Variants in ADAM17 observed in about 807,000 individuals in gnomAD.
ADAM17 encodes the protein ADAM metallopeptidase domain 17.
A neutral mutation model predicts 96.7 loss-of-function variants in ADAM17; 39 were observed. The observed-to-expected ratio is 0.40, with a 90% CI of 0.31 to 0.53. The LOEUF (loss-of-function observed/expected upper bound fraction) is 0.53. Among genes scored for constraint, ADAM17 ranks in the 20% least tolerant of loss-of-function variants. ADAM17 has a pLI of 0.44. For missense variants in ADAM17, 777 were observed against 1,013.2 expected, an observed-to-expected ratio of 0.77 and a Z score of 3.17; for synonymous variants, 344 against 359.2, an observed-to-expected ratio of 0.96 and a Z score of 0.48.
At chr2:9,513,972 T>C (rs1226918435) in intron 10 of ADAM17, among the ~76,000 whole-genome samples, 5 of 148,464 alleles carry the variant, frequency 3.4e-5, no homozygotes, top group Non-Finnish European at 3.0e-5. Flanking sequence ...GATCACACCA[T>C]TGCACTCCAG....
At chr2:9,490,639 A>G in intron 18 of ADAM17, 121 bp from the exon 19 acceptor site, 1 of 1,087,984 alleles carries the variant, frequency 9.2e-7, no homozygotes, top group Non-Finnish European at 1.3e-6. Flanking sequence ...CTAAGAAAAA[A>G]GTGCTAGGTG....
At chr2:9,529,109 C>G (rs1664637906) in intron 4 of ADAM17, among the ~76,000 whole-genome samples, 1 of 152,196 alleles carries the variant, frequency 6.6e-6, no homozygotes, top group Non-Finnish European at 1.5e-5. Context: ...GATACAGATA[C>G]ATGCTACAAC....
intron 12 of ADAM17, 119 bp from the exon 13 acceptor site, chr2:9,502,395 C>CA (rs1473265005): frequency 1.3e-6 from 1 of 779,940 alleles, no homozygotes; most frequent in Non-Finnish European, 2.1e-6. Flanking sequence ...CTGGCTCCGT[C>CA]ACCCACTCCT....
chr2:9,513,879 C>T (rs1165555939), intron 10 of ADAM17, among the ~76,000 whole-genome samples: 6 of 151,752 alleles, frequency 4.0e-5, no homozygotes, highest in African/African-American at 9.7e-5. Flanking sequence ...GTCGTGATGG[C>T]GCATGCCTGT....
rs1330430989 is a variant in ADAM17, at chr2:9,555,730, C to G, written c.-125G>C. The stretch of plus-strand genomic sequence containing the variant: ...CTAGCCCCTCAATCCTCTTTTCCCT[C>G]CCGCGCCGCCTACTGGGAAGATTCT... On this transcript the variant is annotated 5_prime_UTR_variant, in exon 1 of 19. Coordinates refer to ENST00000310823, the MANE Select transcript of ADAM17 (RefSeq NM_003183.6). 5.4e-6 allele frequency: 4 copies of G among 739,348 alleles called. No individual in the cohort carries two copies. Among genetic ancestry groups the G allele is most frequent in the Non-Finnish European group, 8.1e-6 (4 of 496,200 alleles). The allele number at this position is 739,348 out of a possible 1,614,324, so 45.8% of individuals were successfully genotyped here.
intron 6 of ADAM17, among the ~76,000 whole-genome samples, chr2:9,524,053 T>A (rs12992796): frequency 0.14 from 21,041 of 151,526 alleles, 1,553 homozygotes; most frequent in Non-Finnish European, 0.16. Context: ...TTTTTTTTTT[T>A]ATGATTTTCA....
Position 9,530,771 on chromosome 2 carries a change from A to T in ADAM17, c.451-2817T>A, listed in dbSNP as rs10201083. 5.3e-3 allele frequency among the ~76,000 whole-genome samples: 810 copies of T among 152,296 alleles called. 5 individuals are homozygous for T. The highest frequency in any genetic ancestry group is 0.019 in the African/African-American group (780 of 41,556). On this transcript the variant is annotated intron_variant, in intron 4 of 18. Transcript: ENST00000310823. The stretch of plus-strand genomic sequence containing the variant: ...AGAGTGCCTTTATTCCTAAGGATGC[A>T]TACAGAAGTATTTAGGGGTGAAGGG...
Position 9,555,695 on chromosome 2 carries a change from TC to T in ADAM17, c.-91del. On this transcript the variant is annotated 5_prime_UTR_variant, in exon 1 of 19. Transcript: ENST00000310823. ...CTGCTCACATCGGGGGAGGACGGGA[TC>T]CGCCCGGCCTAGCCCCTCAATCCTC... 8.8e-7 allele frequency: 1 copy of T among 1,140,726 alleles called. No individual in the cohort carries two copies. The highest frequency in any genetic ancestry group is 1.2e-6 in the Non-Finnish European group (1 of 822,508). 70.7% of individuals were successfully genotyped at this position (1,140,726 alleles called of 1,614,324 possible). A position where few individuals can be genotyped will look rare whatever the true frequency, so the allele number is the denominator to read the frequency against.
intron 14 of ADAM17, among the ~76,000 whole-genome samples, chr2:9,495,828 A>G (rs1572884175): frequency 6.6e-6 from 1 of 151,534 alleles, no homozygotes; most frequent in African/African-American, 2.4e-5. Context: ...CATTCAACAC[A>G]ACAGATTTAT....
At chr2:9,516,341 G>A (rs1013190907) in intron 10 of ADAM17, among the ~76,000 whole-genome samples, 16 of 151,894 alleles carry the variant, frequency 1.1e-4, no homozygotes, top group Admixed American at 7.9e-4. Context: ...CTCCTGCCTC[G>A]GCCTCCCAAA....
chr2:9,537,732 A>C (rs1467865605), intron 2 of ADAM17, among the ~76,000 whole-genome samples: 3 of 152,150 alleles, frequency 2.0e-5, no homozygotes, highest in African/African-American at 7.2e-5. Flanking sequence ...AATAAGAAAA[A>C]AAAAAAGTAC....
chr2:9,526,403 A>T, intron 5 of ADAM17, 159 bp from the exon 6 acceptor site: 2 of 793,126 alleles, frequency 2.5e-6, no homozygotes, highest in Non-Finnish European at 3.8e-6. Flanking sequence ...GGAGGAAGAC[A>T]GAAAAGTGAA....
At chr2:9,500,090 T>C (rs973102577) in intron 13 of ADAM17, among the ~76,000 whole-genome samples, 7 of 37,202 alleles carry the variant, frequency 1.9e-4, no homozygotes, top group Admixed American at 1.3e-3. Flanking sequence ...CAAAAACTCA[T>C]AGATAAATGT....
At chr2:9,513,777 CA>C (rs1282754569) in intron 10 of ADAM17, among the ~76,000 whole-genome samples, 5 of 151,892 alleles carry the variant, frequency 3.3e-5, no homozygotes, top group Non-Finnish European at 7.4e-5. Flanking sequence ...TGTAATCCAG[CA>C]GTTTGGGAGG....
intron 13 of ADAM17, among the ~76,000 whole-genome samples, chr2:9,501,576 A>G (rs1407827802): frequency 6.6e-6 from 1 of 152,232 alleles, no homozygotes; most frequent in Non-Finnish European, 1.5e-5. Flanking sequence ...TAACTAAACA[A>G]TATGTAGGTG....
At chr2:9,546,678 C>A (rs1330396075) in intron 1 of ADAM17, among the ~76,000 whole-genome samples, 1 of 151,676 alleles carries the variant, frequency 6.6e-6, no homozygotes, top group Non-Finnish European at 1.5e-5. Context: ...CCAGACACTG[C>A]CGCACTGTCT....
chr2:9,506,359 G>GT (rs769256744), intron 11 of ADAM17, among the ~76,000 whole-genome samples: 1,793 of 73,248 alleles, frequency 0.024, 185 homozygotes, highest in African/African-American at 0.062. Flanking sequence ...CTTCAAATCT[G>GT]TTTTTTTTTT....
chr2:9,532,916 C>T lies in ADAM17; in HGVS notation c.450+2918G>A, dbSNP rs529107281. 3.3e-5 allele frequency among the ~76,000 whole-genome samples: 5 copies of T among 152,214 alleles called. No homozygotes were observed. The South Asian group carries it at 1.0e-3, about 32-fold the overall frequency. On this transcript the variant is annotated intron_variant, in intron 4 of 18. Transcript: ENST00000310823. The stretch of plus-strand genomic sequence containing the variant: ...GAAAAAAATGAGTAATCTAGCTGGG[C>T]GTGGTGGCTCATGCCTATAATCTCA...
chr2:9,493,029 C>A, intron 16 of ADAM17, 43 bp from the exon 17 acceptor site: 1 of 1,495,840 alleles, frequency 6.7e-7, no homozygotes, highest in South Asian at 1.2e-5. Flanking sequence ...CCAAGTACTT[C>A]ACAAATCTAA....
Sources: allele counts gnomAD v4.1 joint callset (sites outside exome capture counted in the v4.1 genomes callset), GRCh38; gene constraint gnomAD v4.1.1; transcripts MANE v1.5; gene names NCBI Gene and HGNC (gene_info 2026-07-23, HGNC 2026-07-21).